Variants in TAF1D observed in about 807,000 individuals in gnomAD.
TAF1D encodes TATA-box binding protein associated factor, RNA polymerase I subunit D.
TAF1D carries 23 observed loss-of-function variants against 26.2 expected under a neutral mutation model. That is an observed-to-expected ratio of 0.88 (90% CI 0.63 to 1.25). The LOEUF (loss-of-function observed/expected upper bound fraction) is 1.25, where lower values mean the gene tolerates loss of function less well. Ranked by LOEUF, TAF1D falls within the 50% of genes most tolerant of loss-of-function variation. TAF1D has a pLI of 0.00. For missense variants in TAF1D, 299 were observed against 322.0 expected, an observed-to-expected ratio of 0.93 and a Z score of 0.55; for synonymous variants, 100 against 105.6, an observed-to-expected ratio of 0.95 and a Z score of 0.33.
At chr11:93,731,524 C>CA (rs774557309), downstream of TAF1D, 8 of 518,822 alleles carry the variant, frequency 1.5e-5, no homozygotes, top group East Asian at 4.4e-4. Context: ...AGGCCATTTT[C>CA]ATTCAGCCCC....
In TAF1D at chr11:93,737,111, G is replaced by GT. The variant is rs761665332; in HGVS notation, c.587dup (p.Tyr196Ter). 6.2e-7 allele frequency: 1 copy of GT among 1,608,696 alleles called. No individual in the cohort carries two copies. Among genetic ancestry groups the GT allele is most frequent in the African/African-American group, 1.3e-5 (1 of 74,724 alleles). ...TGGATCCATCATCATCCAAAAATTT[G>GT]TATCTACGACTGTCAAAATCTTCAT... Reference protein sequence around the residue: ...LENEDFDSRRYKFLDDDGSIS... With the variant: ...LENEDFDSRR Residue 196 changes from tyrosine to a stop codon, truncating the protein, a stop_gained and frameshift_variant, in exon 4 of 6, where the codon TAC (tyrosine) becomes TAAC (stop). Transcript: ENST00000448108. LOFTEE classifies it high-confidence loss of function.
rs1178699067 is a variant in TAF1D at position 93,736,319 on chromosome 11, C to A, written c.694-15G>T. On this transcript the variant is annotated splice_polypyrimidine_tract_variant and intron_variant, in intron 5 of 5. Transcript: ENST00000448108. The stretch of plus-strand genomic sequence containing the variant: ...AAACTATCCCCCTGCATAAAACAAA[C>A]AAAAAATCATGGATTAAGCAATAAC... The A allele has an allele frequency of 3.2e-6, 5 of 1,584,142 alleles. No individual in the cohort carries two copies. The Admixed American group carries it at 9.8e-5, about 31-fold the overall frequency.
chr11:93,731,374 G>A (rs1489971823), downstream of TAF1D: 6 of 381,008 alleles, frequency 1.6e-5, no homozygotes, highest in African/African-American at 1.1e-4. Flanking sequence ...TAAACTAATA[G>A]GTATTTTTAA....
intron 2 of TAF1D, chr11:93,738,974 G>T: frequency 2.0e-6 from 1 of 488,046 alleles, no homozygotes; most frequent in Non-Finnish European, 3.6e-6. Flanking sequence ...TACCGAACCG[G>T]AGGATGTAGT....
chr11:93,735,948 TG>T lies in TAF1D; in HGVS notation c.*212del, dbSNP rs1940677684. 1 of 1,320,748 alleles carries T rather than the reference TG, an allele frequency of 7.6e-7. No homozygotes were observed. Among genetic ancestry groups the T allele is most frequent in the Admixed American group, 3.8e-5 (1 of 26,544 alleles). 81.8% of individuals were successfully genotyped at this position (1,320,748 alleles called of 1,614,324 possible). On this transcript the variant is annotated 3_prime_UTR_variant, in exon 6 of 6. Coordinates refer to ENST00000448108, the MANE Select transcript of TAF1D (RefSeq NM_024116.4). ...CTCAAATTTTTCTATGTATTTTCTC[TG>T]GTGTTTTAATGGTTTTTTTTCTAAT... is the stretch of plus-strand genomic sequence containing the variant.
At chr11:93,735,509 A>T, downstream of TAF1D, 3 of 427,630 alleles carry the variant, frequency 7.0e-6, no homozygotes, top group Non-Finnish European at 9.5e-6. Flanking sequence ...TGTCTCTACT[A>T]AAAAAACAAA....
In TAF1D at chr11:93,739,324, A is replaced by G. The variant is rs1941335567; in HGVS notation, c.-20T>C. 1 of 1,602,662 alleles carries G rather than the reference A, an allele frequency of 6.2e-7. No individual in the cohort carries two copies. Among genetic ancestry groups the G allele is most frequent in the Non-Finnish European group, 8.5e-7 (1 of 1,175,898 alleles). On this transcript the variant is annotated 5_prime_UTR_variant, in exon 2 of 6. Coordinates refer to ENST00000448108, the MANE Select transcript of TAF1D (RefSeq NM_024116.4). Reference sequence around the variant, plus strand: ...ATCCATCAATTGCTCTTTGTTTTAAACAGTTTTCTGAAATTATGAAATTTA... The same window carrying G: ...ATCCATCAATTGCTCTTTGTTTTAAGCAGTTTTCTGAAATTATGAAATTTA...
chr11:93,734,918 AGT>A, downstream of TAF1D: 1 of 804,106 alleles, frequency 1.2e-6, no homozygotes, highest in Non-Finnish European at 1.7e-6. Flanking sequence ...CACATGCCCC[AGT>A]ACCCAGCTAA....
Position 93,737,192 on chromosome 11 carries a change from A to C in TAF1D, c.507T>G (p.Tyr169Ter). 1 of 1,609,436 alleles carries C rather than the reference A, an allele frequency of 6.2e-7. No individual in the cohort carries two copies. The highest frequency in any genetic ancestry group is 8.5e-7 in the Non-Finnish European group (1 of 1,178,306). Residue 169 changes from tyrosine to a stop codon, truncating the protein, a stop_gained, in exon 4 of 6, where the codon TAT (tyrosine) becomes TAG (stop). Coordinates refer to ENST00000448108, the MANE Select transcript of TAF1D (RefSeq NM_024116.4). LOFTEE classifies it high-confidence loss of function. ...TCAATGATTCTTTCAGGTGGTGTTCATACTTCAGTTTTTCAATATAGTTAA... is the reference window on the plus strand; with the variant it reads ...TCAATGATTCTTTCAGGTGGTGTTCCTACTTCAGTTTTTCAATATAGTTAA... Reference protein sequence around the residue: ...GFFNYIEKLKYEHHLKESLKQ... With the variant: ...GFFNYIEKLK
chr11:93,732,170 CG>C (rs749256386), downstream of TAF1D: 18 of 510,600 alleles, frequency 3.5e-5, no homozygotes, highest in Admixed American at 1.6e-4. Flanking sequence ...TGTATTTGTA[CG>C]AAGTTCTTGT....
At chr11:93,734,999 A>G, downstream of TAF1D, 1 of 1,208,656 alleles carries the variant, frequency 8.3e-7, no homozygotes, top group Admixed American at 2.8e-5. Flanking sequence ...CCTGGTTTCA[A>G]GCAATACTCC....
chr11:93,734,751 G>GT (rs374105872), downstream of TAF1D: 1,182 of 1,284,078 alleles, frequency 9.2e-4, 10 homozygotes, highest in African/African-American at 0.015. Flanking sequence ...ATCCCATGCT[G>GT]TTTATCTATT....
downstream of TAF1D, chr11:93,730,728 A>T (rs1287202817): frequency 2.3e-5 from 11 of 486,860 alleles, no homozygotes; most frequent in Non-Finnish European, 2.8e-5. Context: ...TAACAATAGT[A>T]TAAAAGTAAA....
chr11:93,733,554 G>C (rs1192338320), downstream of TAF1D: 1 of 518,834 alleles, frequency 1.9e-6, no homozygotes, highest in South Asian at 1.4e-5. Context: ...CGTTTCCAAC[G>C]ATGTGCAGGC....
intron 1 of TAF1D, 65 bp downstream of exon 1, chr11:93,741,257 C>A (rs1941991034): frequency 4.4e-6 from 2 of 452,924 alleles, no homozygotes; most frequent in Non-Finnish European, 8.9e-6. Context: ...CCCCGGGAAA[C>A]CCCAGATATG....
chr11:93,739,418 C>T (rs539163931), intron 1 of TAF1D, 87 bp from the exon 2 acceptor site: 1 of 784,548 alleles, frequency 1.3e-6, no homozygotes, highest in South Asian at 2.0e-5. Flanking sequence ...TCAGACTATG[C>T]CAATGATTTC....
downstream of TAF1D, chr11:93,733,330 T>C (rs901338427): frequency 1.9e-6 from 1 of 519,026 alleles, no homozygotes; most frequent in Admixed American, 1.9e-5. Context: ...AAGATTATAC[T>C]GTCACCAATT....
downstream of TAF1D, chr11:93,730,762 T>C (rs1054631017): frequency 6.7e-6 from 3 of 448,702 alleles, no homozygotes; most frequent in Non-Finnish European, 1.3e-5. Flanking sequence ...GAGATGAGTG[T>C]ACAGTGAGTG....
downstream of TAF1D, chr11:93,735,367 TAAA>T (rs1332125807): frequency 3.8e-6 from 4 of 1,062,760 alleles, no homozygotes; most frequent in Non-Finnish European, 4.7e-6. Context: ...CTTGAACTAA[TAAA>T]AAGTGAAAAT....
Sources: allele counts gnomAD v4.1 joint callset, GRCh38; gene constraint gnomAD v4.1.1; transcripts MANE v1.5; gene names NCBI Gene and HGNC (gene_info 2026-07-23, HGNC 2026-07-21).